Variants in TMEM19 observed in about 807,000 individuals in gnomAD.
The protein encoded by TMEM19 is transmembrane protein 19.
Under a neutral mutation model 33.6 loss-of-function variants are expected in TMEM19, and 21 were observed. The ratio of observed to expected loss-of-function variants is 0.62; its 90% CI spans 0.44 to 0.90. TMEM19 has a LOEUF of 0.90. Among genes scored for constraint, TMEM19 ranks in the 40% least tolerant of loss-of-function variants. The pLI, the probability that TMEM19 is intolerant of heterozygous loss-of-function variation, is 0.00. For synonymous variants in TMEM19, 149 were observed against 147.5 expected, an observed-to-expected ratio of 1.01 and a Z score of -0.07; for missense variants, 402 against 401.8, an observed-to-expected ratio of 1.00 and a Z score of 0.00.
Position 71,686,699 on chromosome 12 carries a change from A to C in TMEM19, c.19A>C (p.Asn7His), listed in dbSNP as rs768378170. The C allele has an allele frequency of 6.2e-7, 1 of 1,611,014 alleles. No homozygotes were observed. Among genetic ancestry groups the C allele is most frequent in the South Asian group, 1.1e-5 (1 of 90,328 alleles). Reference protein sequence around the residue: MTDLNDNICKRYIKMIT... With the variant: MTDLNDHICKRYIKMIT... ...ATTTTCCATGACAGATCTTAACGACAATATATGCAAAAGATATATAAAGAT... is the reference window on the plus strand; with the variant it reads ...ATTTTCCATGACAGATCTTAACGACCATATATGCAAAAGATATATAAAGAT... Residue 7 changes from asparagine (N) to histidine (H), a missense_variant, in exon 1 of 6, where the codon AAT (asparagine) becomes CAT (histidine). Physicochemically the swap from Asn to His is moderately conservative, Grantham distance 68. Coordinates refer to ENST00000266673, the MANE Select transcript of TMEM19 (RefSeq NM_018279.4).
Position 71,694,791 on chromosome 12 carries a change from G to T in TMEM19, c.245-1645G>T, listed in dbSNP as rs1335987689. Among the ~76,000 whole-genome samples the T allele has an allele frequency of 7.9e-5, 12 of 152,304 alleles. No individual in the cohort carries two copies. The South Asian group carries it at 2.5e-3, about 32-fold the overall frequency. On this transcript the variant is annotated intron_variant, in intron 2 of 5. Coordinates refer to ENST00000266673, the MANE Select transcript of TMEM19 (RefSeq NM_018279.4). ...AGCCAAGTAAATTATTATAGAATAT[G>T]TATGAAGCAATAGGTGAGCTTTGAG...
intron 5 of TMEM19, chr12:71,699,324 G>T: frequency 1.6e-6 from 1 of 611,274 alleles, no homozygotes; most frequent in Non-Finnish European, 2.9e-6. Flanking sequence ...ATGATTAGAA[G>T]CCATGTGGGG....
At chr12:71,699,854 A>G (rs564709354) in intron 5 of TMEM19, 3 of 152,498 alleles carry the variant, frequency 2.0e-5, no homozygotes, top group Admixed American at 6.5e-5. Flanking sequence ...CATCTCAAAA[A>G]AAAAGAAAAA....
chr12:71,686,105 A>T lies in TMEM19; in HGVS notation c.-576A>T, dbSNP rs906726842. On this transcript the variant is annotated 5_prime_UTR_variant, in exon 1 of 6. Transcript: ENST00000266673. ...GCATGCCCACAGCGGGCGAGGCGCTAGAGGCGGGGGCGCCGGGAGGCGCGG... is the reference window on the plus strand; with the variant it reads ...GCATGCCCACAGCGGGCGAGGCGCTTGAGGCGGGGGCGCCGGGAGGCGCGG... 2 of 159,178 alleles carry T rather than the reference A, an allele frequency of 1.3e-5. No individual in the cohort carries two copies. The highest frequency in any genetic ancestry group is 1.3e-4 in the Admixed American group (2 of 15,304). 9.9% of individuals were successfully genotyped at this position (159,178 alleles called of 1,614,324 possible).
intron 2 of TMEM19, chr12:71,690,219 G>A (rs1881762356): frequency 6.5e-6 from 1 of 153,130 alleles, no homozygotes; most frequent in Admixed American, 6.5e-5. Context: ...GCAGTGGCAT[G>A]ATCGGCTCAC....
At position 71,699,345 on chromosome 12, in the gene TMEM19, A is replaced by G. The variant is rs1003032122; in HGVS notation, c.847+236A>G. On this transcript the variant is annotated intron_variant, in intron 5 of 5. Coordinates refer to ENST00000266673, the MANE Select transcript of TMEM19 (RefSeq NM_018279.4). ...AGAAGCCATGTGGGGAAGATACAAT[A>G]GTGCAGAGAACAGACGTTTTTGTGT... 103 of 599,318 alleles carry G rather than the reference A, an allele frequency of 1.7e-4. 1 individual carries two copies. The highest frequency in any genetic ancestry group is 4.4e-5 in the Non-Finnish European group (15 of 340,220). The allele number at this position is 599,318 out of a possible 1,614,324, so 37.1% of individuals were successfully genotyped here.
At chr12:71,693,469 A>G (rs928161358) in intron 2 of TMEM19, among the ~76,000 whole-genome samples, 3 of 152,206 alleles carry the variant, frequency 2.0e-5, no homozygotes, top group Admixed American at 6.5e-5. Context: ...TATGACTGCA[A>G]GTCACTTAAA....
In TMEM19 at chr12:71,703,206, A is replaced by T. The variant is rs931075985; in HGVS notation, c.*2211A>T. The T allele has an allele frequency of 4.4e-5, 4 of 91,104 alleles. No individual in the cohort carries two copies. Among genetic ancestry groups the T allele is most frequent in the East Asian group, 6.2e-4 (1 of 1,618 alleles). The allele number at this position is 91,104 out of a possible 1,614,324, so 5.6% of individuals were successfully genotyped here. A position where few individuals can be genotyped will look rare whatever the true frequency, so the allele number is the denominator to read the frequency against. On this transcript the variant is annotated 3_prime_UTR_variant, in exon 6 of 6. Coordinates refer to ENST00000266673, the MANE Select transcript of TMEM19 (RefSeq NM_018279.4). ...CCATCTCAAAAAAAAAAAAAAAAAA[A>T]AAAAAAAAAAAAAAAAAAAAGAATA...
rs546950631 is a variant in TMEM19 at position 71,686,138 on chromosome 12, T to C, written c.-543T>C. ...GGGCGCCGGGAGGCGCGGGCTTTGC[T>C]CCTGGGGTCTCGGCCTTGGCCGGCT... On this transcript the variant is annotated 5_prime_UTR_variant, in exon 1 of 6. Coordinates refer to ENST00000266673, the MANE Select transcript of TMEM19 (RefSeq NM_018279.4). The C allele has an allele frequency of 6.5e-4, 102 of 156,206 alleles. 1 individual carries two copies. Among genetic ancestry groups the C allele is most frequent in the African/African-American group, 2.4e-3 (100 of 41,508 alleles). The allele number at this position is 156,206 out of a possible 1,614,324, so 9.7% of individuals were successfully genotyped here. A position where few individuals can be genotyped will look rare whatever the true frequency, so the allele number is the denominator to read the frequency against.
Position 71,698,088 on chromosome 12 carries a change from T to C in TMEM19, c.637+554T>C, listed in dbSNP as rs186054150. On this transcript the variant is annotated intron_variant, in intron 4 of 5. Transcript: ENST00000266673. Reference sequence around the variant, plus strand: ...CAAATATTCCAAACTCTGAAAAAATTTGAAATCCAAAACACTTCTGGTCTC... The same window carrying C: ...CAAATATTCCAAACTCTGAAAAAATCTGAAATCCAAAACACTTCTGGTCTC... 4.7e-4 allele frequency among the ~76,000 whole-genome samples: 72 copies of C among 152,278 alleles called. 1 individual carries two copies. Among genetic ancestry groups the C allele is most frequent in the African/African-American group, 1.6e-3 (68 of 41,568 alleles).
chr12:71,691,738 A>C (rs1388533000), intron 2 of TMEM19, among the ~76,000 whole-genome samples: 2 of 150,768 alleles, frequency 1.3e-5, no homozygotes, highest in Admixed American at 1.3e-4. Context: ...CCCTGTGTCA[A>C]AAAGAAAAAA....
Position 71,697,344 on chromosome 12 carries a change from G to A in TMEM19, c.447G>A (p.Leu149=). The A allele has an allele frequency of 2.5e-6, 4 of 1,612,192 alleles. No individual in the cohort carries two copies. Among genetic ancestry groups the A allele is most frequent in the Non-Finnish European group, 3.4e-6 (4 of 1,179,354 alleles). ...NGAVPTELAL[L]YMIENGPGEI... ...CTGTACCCACAGAACTGGCCCTGCT[G>A]TACATGATAGAAAATGGCCCCGGGG... Residue 149 remains leucine, a synonymous_variant, in exon 4 of 6, where the codon CTG becomes CTA. Coordinates refer to ENST00000266673, the MANE Select transcript of TMEM19 (RefSeq NM_018279.4).
rs371931718 is a variant in TMEM19, at chr12:71,697,324, C to G, written c.427C>G (p.Pro143Ala). ...WVQVFCNGAV[P>A]TELALLYMIE... is the part of the protein sequence containing the mutation. ...TCAGGTGTTCTGTAATGGAGCTGTA[C>G]CCACAGAACTGGCCCTGCTGTACAT... is the stretch of plus-strand genomic sequence containing the variant. The change falls in exon 4 of 6, where the codon CCC (proline) becomes GCC (alanine). Residue 143 changes from proline (P) to alanine (A), a missense_variant. Coordinates refer to ENST00000266673, the MANE Select transcript of TMEM19 (RefSeq NM_018279.4). 5.6e-6 allele frequency: 9 copies of G among 1,608,342 alleles called. No individual in the cohort carries two copies. Among genetic ancestry groups the G allele is most frequent in the Non-Finnish European group, 7.6e-6 (9 of 1,178,082 alleles).
chr12:71,698,827 GTAC>G (rs1233895221), intron 4 of TMEM19, 70 bp from the exon 5 acceptor site: 2 of 1,324,470 alleles, frequency 1.5e-6, no homozygotes, highest in Admixed American at 1.7e-5. Context: ...GATTAGATAG[GTAC>G]CTTGCTGTCC....
intron 5 of TMEM19, among the ~76,000 whole-genome samples, chr12:71,700,502 G>T (rs1881957995): frequency 6.6e-6 from 1 of 152,136 alleles, no homozygotes; most frequent in South Asian, 2.1e-4. Flanking sequence ...TGCCCTCTCT[G>T]CTTTTCATGT....
At chr12:71,698,585 A>G (rs919973263) in intron 4 of TMEM19, among the ~76,000 whole-genome samples, 3 of 142,856 alleles carry the variant, frequency 2.1e-5, no homozygotes, top group African/African-American at 5.5e-5. Flanking sequence ...CCTGGTTGAT[A>G]GAGCAAAACC....
chr12:71,689,602 C>T lies in TMEM19; in HGVS notation c.142C>T (p.Pro48Ser). The T allele has an allele frequency of 3.1e-6, 5 of 1,613,982 alleles. No individual in the cohort carries two copies. The highest frequency in any genetic ancestry group is 2.5e-6 in the Non-Finnish European group (3 of 1,179,932). The change falls in exon 2 of 6, where the codon CCT becomes TCT. Residue 48 changes from proline to serine, a missense_variant. Physicochemically the swap from Pro to Ser is moderately conservative, Grantham distance 74. Coordinates refer to ENST00000266673, the MANE Select transcript of TMEM19 (RefSeq NM_018279.4). ...TASTYYGNLR[P>S]ISPWRWLFSV... Reference sequence around the variant, plus strand: ...TTATAATTTTTCAGGTAACTTACGACCTATTTCTCCGTGGCGTTGGCTGTT... The same window carrying T: ...TTATAATTTTTCAGGTAACTTACGATCTATTTCTCCGTGGCGTTGGCTGTT...
chr12:71,698,309 T>G (rs1881912188), intron 4 of TMEM19, among the ~76,000 whole-genome samples: 1 of 152,220 alleles, frequency 6.6e-6, no homozygotes, highest in African/African-American at 2.4e-5. Context: ...CAGAGCACTA[T>G]TCTAACTGCT....
rs371734502 is a variant in TMEM19 at position 71,686,688 on chromosome 12, A to C, written c.8A>C (p.Asp3Ala). The change falls in exon 1 of 6, where the codon GAT becomes GCT. Residue 3 changes from aspartate (D) to alanine (A), a missense_variant. Physicochemically the swap from Asp to Ala is moderately radical, Grantham distance 126. Transcript: ENST00000266673. MT[D>A]LNDNICKRYI... ...CTCATATCCTTATTTTCCATGACAG[A>C]TCTTAACGACAATATATGCAAAAGA... 1.9e-6 allele frequency: 3 copies of C among 1,610,710 alleles called. No homozygotes were observed. The highest frequency in any genetic ancestry group is 2.5e-6 in the Non-Finnish European group (3 of 1,179,392).
Sources: allele counts gnomAD v4.1 joint callset (sites outside exome capture counted in the v4.1 genomes callset), GRCh38; gene constraint gnomAD v4.1.1; transcripts MANE v1.5; gene names NCBI Gene and HGNC (gene_info 2026-07-23, HGNC 2026-07-21).